The following POC1A variants were observed in gnomAD, a reference collection of about 807,000 sequenced individuals.
The protein encoded by POC1A is POC1 centriolar protein homolog A.
Under a neutral mutation model 47.8 loss-of-function variants are expected in POC1A, and 34 were observed. The observed-to-expected ratio is 0.71, with a 90% CI of 0.54 to 0.95. The LOEUF (loss-of-function observed/expected upper bound fraction) is 0.95, where lower values mean the gene tolerates loss of function less well. Among genes scored for constraint, POC1A ranks in the 40% least tolerant of loss-of-function variants. The pLI, the probability that POC1A is intolerant of heterozygous loss-of-function variation, is 0.00. For synonymous variants in POC1A, 177 were observed against 207.6 expected (o/e 0.85, Z 1.27); for missense variants, 466 against 528.3 (o/e 0.88, Z 1.16).
chr3:52,115,026 G>A (rs1408592218), intron 9 of POC1A, among the ~76,000 whole-genome samples: 1 of 152,234 alleles, frequency 6.6e-6, no homozygotes, highest in South Asian at 2.1e-4. Context: ...AAGGGCACGG[G>A]CAGCTTGAGG....
intron 5 of POC1A, 80 bp downstream of exon 5, chr3:52,146,908 G>T: frequency 8.7e-7 from 1 of 1,143,456 alleles, no homozygotes; most frequent in South Asian, 1.2e-5. Flanking sequence ...AGCCACTGAA[G>T]GCCACTGGGC....
At chr3:52,107,809 C>A (rs189840822) in intron 9 of POC1A, among the ~76,000 whole-genome samples, 28 of 152,320 alleles carry the variant, frequency 1.8e-4, no homozygotes, top group African/African-American at 6.3e-4. Context: ...GTGTTAATGT[C>A]TTACACAACC....
At chr3:52,136,731 T>C (rs1304195954) in intron 7 of POC1A, among the ~76,000 whole-genome samples, 2 of 152,214 alleles carry the variant, frequency 1.3e-5, no homozygotes, top group African/African-American at 4.8e-5. Flanking sequence ...CAATGCGCCA[T>C]GGTCCTTGCT....
chr3:52,145,375 T>TAA (rs971021031), intron 6 of POC1A, among the ~76,000 whole-genome samples: 9 of 152,162 alleles, frequency 5.9e-5, no homozygotes, highest in African/African-American at 2.2e-4. Context: ...GAGGACACTG[T>TAA]AAGACCAGAG....
At chr3:52,153,650 C>T (rs1396603251) in intron 1 of POC1A, among the ~76,000 whole-genome samples, 1 of 152,258 alleles carries the variant, frequency 6.6e-6, no homozygotes, top group Non-Finnish European at 1.5e-5. Flanking sequence ...AACACCGCCT[C>T]CCCTCTGTAG....
In POC1A at chr3:52,122,539, G is replaced by A. The variant is rs184850268; in HGVS notation, c.883-62C>T. On this transcript the variant is annotated intron_variant, in intron 8 of 10. Transcript: ENST00000296484. ...AAAATCCCCTTGCCAGTCCTTCACT[G>A]AGGAAATGGGCTCAGAGGCCATGCC... is the stretch of plus-strand genomic sequence containing the variant. 3.1e-5 allele frequency: 32 copies of A among 1,038,022 alleles called. No homozygotes were observed. In the East Asian group the frequency reaches 7.6e-4, roughly 25 times the overall value. 64.3% of individuals were successfully genotyped at this position (1,038,022 alleles called of 1,614,324 possible). A position where few individuals can be genotyped will look rare whatever the true frequency, so the allele number is the denominator to read the frequency against.
intron 8 of POC1A, 120 bp downstream of exon 8, chr3:52,124,992 CT>C: frequency 1.3e-6 from 1 of 767,706 alleles, no homozygotes; most frequent in Non-Finnish European, 2.2e-6. Flanking sequence ...TTTTTAGTCG[CT>C]GAAAGCCACC....
At chr3:52,142,754 T>C (rs767007995) in intron 6 of POC1A, among the ~76,000 whole-genome samples, 1 of 152,144 alleles carries the variant, frequency 6.6e-6, no homozygotes, top group Non-Finnish European at 1.5e-5. Flanking sequence ...CAGGCATCTG[T>C]TGCCAGAGTA....
At chr3:52,078,292 G>A (rs1278386227) in intron 10 of POC1A, among the ~76,000 whole-genome samples, 1 of 152,026 alleles carries the variant, frequency 6.6e-6, no homozygotes, top group Non-Finnish European at 1.5e-5. Flanking sequence ...CTCTGAGCCA[G>A]GAGAAGGCCT....
At chr3:52,146,037 T>C in intron 5 of POC1A, 76 bp from the exon 6 acceptor site, 2 of 842,956 alleles carry the variant, frequency 2.4e-6, no homozygotes, top group Non-Finnish European at 4.0e-6. Context: ...ATTTGGTGCT[T>C]TCCCCATCCC....
At chr3:52,091,535 A>G (rs58080002) in intron 10 of POC1A, among the ~76,000 whole-genome samples, 20,897 of 152,146 alleles carry the variant, frequency 0.14, 1,705 homozygotes, top group African/African-American at 0.22. Flanking sequence ...TCAAGTGTCT[A>G]TGTGCACCCC....
chr3:52,076,365 C>T (rs552277989), intron 10 of POC1A, among the ~76,000 whole-genome samples: 5 of 152,176 alleles, frequency 3.3e-5, no homozygotes, highest in Non-Finnish European at 7.4e-5. Context: ...CTTGTCTGAG[C>T]CAGGCACTGT....
chr3:52,085,473 G>A (rs749350309), intron 10 of POC1A, among the ~76,000 whole-genome samples: 5 of 152,310 alleles, frequency 3.3e-5, no homozygotes, highest in African/African-American at 4.8e-5. Flanking sequence ...TGGCATTCCC[G>A]TGGCCCTCCA....
At chr3:52,145,727 C>T (rs2107189112) in intron 6 of POC1A, 119 bp downstream of exon 6, 1 of 634,318 alleles carries the variant, frequency 1.6e-6, no homozygotes, top group East Asian at 2.8e-5. Flanking sequence ...AAACCCAGGA[C>T]ACCTTCCTGC....
rs575952517 is a variant in POC1A, at chr3:52,100,795, G to A, written c.982-4083C>T. Reference sequence around the variant, plus strand: ...GCAGAACAGTAGATGGAAGAAAACCGTTCTTGGAGGTGCAGGCCTAGGAGA... The same window carrying A: ...GCAGAACAGTAGATGGAAGAAAACCATTCTTGGAGGTGCAGGCCTAGGAGA... On this transcript the variant is annotated intron_variant, in intron 9 of 10. Transcript: ENST00000296484. Among the ~76,000 whole-genome samples the A allele has an allele frequency of 6.6e-5, 10 of 152,264 alleles. No homozygotes were observed. In the South Asian group the frequency reaches 8.3e-4, roughly 13 times the overall value.
intron 9 of POC1A, among the ~76,000 whole-genome samples, chr3:52,120,406 A>T (rs946632491): frequency 1.3e-5 from 2 of 152,212 alleles, no homozygotes; most frequent in African/African-American, 4.8e-5. Flanking sequence ...GAGGACTTAC[A>T]TCCACTCAGG....
At position 52,084,441 on chromosome 3, in the gene POC1A, A is replaced by T. The variant is rs952388141; in HGVS notation, c.1126-8456T>A. On this transcript the variant is annotated intron_variant, in intron 10 of 10. Coordinates refer to ENST00000296484, the MANE Select transcript of POC1A (RefSeq NM_015426.5). This position sits in a 1 kb window ranked among gnomAD's most constrained non-coding sequence, Gnocchi z 4.3. ...CATCATTCACTCCCATACCTCTGTC[A>T]GGCACCCACCACAGGCAGCAAACAA... 7.2e-5 allele frequency among the ~76,000 whole-genome samples: 11 copies of T among 152,238 alleles called. No individual in the cohort carries two copies. In the South Asian group the frequency reaches 1.5e-3, roughly 20 times the overall value.
chr3:52,110,155 AT>A (rs1703330452), intron 9 of POC1A, among the ~76,000 whole-genome samples: 1 of 152,172 alleles, frequency 6.6e-6, no homozygotes, highest in South Asian at 2.1e-4. Context: ...CTTCCTGAGC[AT>A]TTTTTATGTG....
intron 2 of POC1A, 59 bp from the exon 3 acceptor site, chr3:52,150,046 A>C: frequency 1.4e-6 from 2 of 1,452,822 alleles, no homozygotes; most frequent in Non-Finnish European, 1.9e-6. Context: ...GCCTCCACCA[A>C]GACATTGGAG....
Sources: gnomAD v4.1 joint callset for allele counts (sites outside exome capture counted in the v4.1 genomes callset) on GRCh38, gnomAD v4.1.1 for gene constraint, Gnocchi (gnomAD v3.1) non-coding constraint, MANE v1.5 for transcripts, NCBI Gene and HGNC (gene_info 2026-07-23, HGNC 2026-07-21) for gene names.